Variants in MYCBP2 observed in about 807,000 individuals in gnomAD.
MYCBP2 encodes E3 ubiquitin-protein ligase MYCBP2.
Under a neutral mutation model 525.3 loss-of-function variants are expected in MYCBP2, and 120 were observed. The ratio of observed to expected loss-of-function variants is 0.23; its 90% CI spans 0.20 to 0.27. The LOEUF (loss-of-function observed/expected upper bound fraction) is 0.27. MYCBP2 is among the 10% of genes least tolerant of loss of function. MYCBP2 has a pLI of 1.00. For synonymous variants in MYCBP2, 1,894 were observed against 1,955.8 expected, an observed-to-expected ratio of 0.97 and a Z score of 0.83; for missense variants, 4,149 against 5,657.1, an observed-to-expected ratio of 0.73 and a Z score of 8.55.
chr13:77,093,626 A>T (rs1032209300), intron 58 of MYCBP2, among the ~76,000 whole-genome samples: 3 of 152,080 alleles, frequency 2.0e-5, no homozygotes, highest in Non-Finnish European at 4.4e-5. Flanking sequence ...CAGTTGCTTA[A>T]GCTAAAATAT....
intron 1 of MYCBP2, among the ~76,000 whole-genome samples, chr13:77,310,197 T>A (rs1043923192): frequency 2.6e-5 from 4 of 152,170 alleles, no homozygotes; most frequent in Non-Finnish European, 4.4e-5. Flanking sequence ...ACAGGGAACA[T>A]AATAACCTAG....
chr13:77,208,695 T>C (rs2063635942), intron 23 of MYCBP2, among the ~76,000 whole-genome samples: 1 of 152,188 alleles, frequency 6.6e-6, no homozygotes, highest in Non-Finnish European at 1.5e-5. Context: ...ACTTCATACT[T>C]GTGATCCACA....
chr13:77,194,331 T>C, intron 26 of MYCBP2, 87 bp from the exon 27 acceptor site: 2 of 976,022 alleles, frequency 2.0e-6, no homozygotes, highest in East Asian at 2.4e-5. Context: ...GCATGATGAA[T>C]GTATGCTGGA....
chr13:77,272,540 TTTAAA>T (rs1231310968), intron 5 of MYCBP2: 1 of 152,210 alleles, frequency 6.6e-6, no homozygotes, highest in Admixed American at 6.5e-5. Flanking sequence ...TAAACATATA[TTTAAA>T]TTAAACATTT....
At chr13:77,169,812 C>T (rs1411916906) in intron 38 of MYCBP2, 98 bp from the exon 39 acceptor site, 27 of 1,049,982 alleles carry the variant, frequency 2.6e-5, no homozygotes, top group South Asian at 7.0e-5. Context: ...CTCTTTTGAG[C>T]GAAACTATAG....
intron 36 of MYCBP2, among the ~76,000 whole-genome samples, chr13:77,175,491 G>C (rs2059606922): frequency 6.6e-6 from 1 of 152,056 alleles, no homozygotes; most frequent in East Asian, 1.9e-4. Flanking sequence ...CACAATAAAA[G>C]CTTTTTGGTT....
At chr13:77,312,183 C>A (rs2080332914) in intron 1 of MYCBP2, among the ~76,000 whole-genome samples, 1 of 151,962 alleles carries the variant, frequency 6.6e-6, no homozygotes, top group Admixed American at 6.6e-5. Flanking sequence ...TAAATACATT[C>A]TCAAAGAAAA....
rs1255754468 is a variant in MYCBP2, at chr13:77,164,561, T to C, written c.6460-20A>G. The C allele has an allele frequency of 5.4e-6, 8 of 1,480,658 alleles. No homozygotes were observed. Among genetic ancestry groups the C allele is most frequent in the African/African-American group, 4.1e-5 (3 of 72,314 alleles). The allele number at this position is 1,480,658 out of a possible 1,614,324, so 91.7% of individuals were successfully genotyped here. On this transcript the variant is annotated intron_variant, in intron 42 of 82. Coordinates refer to ENST00000544440, the MANE Select transcript of MYCBP2 (RefSeq NM_015057.5). ...GACTCCCTATGGAATTGCATAAAAT[T>C]TGCTGCTTTAAAAATGTTTGAATGA...
rs867546332 is a variant in MYCBP2 at position 77,294,127 on chromosome 13, T to C, written c.378+2472A>G. 1.7e-3 allele frequency among the ~76,000 whole-genome samples: 104 copies of C among 60,852 alleles called. 5 individuals are homozygous for C. Among genetic ancestry groups the C allele is most frequent in the Admixed American group, 7.8e-3 (28 of 3,598 alleles). The allele number at this position is 60,852 out of a possible 152,430, so 39.9% of individuals were successfully genotyped here. On this transcript the variant is annotated intron_variant, in intron 2 of 82. Transcript: ENST00000544440. Reference sequence around the variant, plus strand: ...GGCTATATATATATATATATATATATATACATATATATATACATATATATA... The same window carrying C: ...GGCTATATATATATATATATATATACATACATATATATATACATATATATA...
At chr13:77,088,783 CAT>C (rs756811126) in intron 61 of MYCBP2, 47 bp downstream of exon 61, 13 of 1,487,886 alleles carry the variant, frequency 8.7e-6, no homozygotes, top group African/African-American at 4.2e-5. Context: ...AGAATCATCA[CAT>C]GATTTGTATA....
chr13:77,216,411 T>G (rs779589494), intron 21 of MYCBP2, among the ~76,000 whole-genome samples: 10 of 152,160 alleles, frequency 6.6e-5, no homozygotes, highest in Non-Finnish European at 1.2e-4. Flanking sequence ...GGGGGAAATT[T>G]TGATGAGAAG....
chr13:77,052,682 C>T (rs1009135577), intron 80 of MYCBP2, among the ~76,000 whole-genome samples: 5 of 152,180 alleles, frequency 3.3e-5, no homozygotes, highest in African/African-American at 7.2e-5. Flanking sequence ...TACATATCCC[C>T]TTCTACTGTT....
intron 17 of MYCBP2, among the ~76,000 whole-genome samples, chr13:77,238,038 T>C (rs1227385510): frequency 6.6e-6 from 1 of 151,772 alleles, no homozygotes; most frequent in Non-Finnish European, 1.5e-5. Flanking sequence ...GGTCAGGAGA[T>C]TGAGGCTATC....
At chr13:77,198,807 G>A (rs914917381) in intron 26 of MYCBP2, among the ~76,000 whole-genome samples, 2 of 152,080 alleles carry the variant, frequency 1.3e-5, no homozygotes, top group Non-Finnish European at 2.9e-5. Context: ...ACATCAAAAT[G>A]TCCCTAAACA....
intron 52 of MYCBP2, among the ~76,000 whole-genome samples, chr13:77,128,808 A>C (rs1439178089): frequency 3.3e-5 from 5 of 151,966 alleles, no homozygotes; most frequent in Non-Finnish European, 5.9e-5. Flanking sequence ...TGAACATTCA[A>C]AGAGGGAATG....
intron 2 of MYCBP2, among the ~76,000 whole-genome samples, chr13:77,288,755 C>T (rs2077158692): frequency 6.6e-6 from 1 of 152,158 alleles, no homozygotes; most frequent in African/African-American, 2.4e-5. Context: ...TGACCTACTA[C>T]AAACATTAGA....
chr13:77,060,014 A>G (rs931196087), intron 76 of MYCBP2, among the ~76,000 whole-genome samples: 8 of 152,198 alleles, frequency 5.3e-5, no homozygotes, highest in Non-Finnish European at 1.2e-4. Context: ...CTTTAACTAT[A>G]TATAACAAAA....
intron 4 of MYCBP2, among the ~76,000 whole-genome samples, chr13:77,278,342 G>GC (rs1213624202): frequency 1.3e-5 from 2 of 152,198 alleles, no homozygotes; most frequent in East Asian, 1.9e-4. Context: ...TGTTTTGTTT[G>GC]CCCCCCGCTT....
intron 49 of MYCBP2, among the ~76,000 whole-genome samples, chr13:77,141,564 A>G (rs2054626652): frequency 6.6e-6 from 1 of 152,124 alleles, no homozygotes; most frequent in Non-Finnish European, 1.5e-5. Flanking sequence ...TGAGGTCGGG[A>G]GTTCAAGATC....
Sources: allele counts gnomAD v4.1 joint callset (sites outside exome capture counted in the v4.1 genomes callset), GRCh38; gene constraint gnomAD v4.1.1; transcripts MANE v1.5; gene names NCBI Gene and HGNC (gene_info 2026-07-23, HGNC 2026-07-21).